The following TRO variants were observed in gnomAD, a reference collection of about 807,000 sequenced individuals.
TRO encodes MAGE superfamily protein.
In TRO, 29 loss-of-function variants were observed where a neutral mutation model predicts 42.3. The ratio of observed to expected loss-of-function variants is 0.68; its 90% CI spans 0.51 to 0.93. The LOEUF (loss-of-function observed/expected upper bound fraction) is 0.93. Ranked by LOEUF, TRO falls within the 40% of genes least tolerant of loss-of-function variation. The pLI, the probability that TRO is intolerant of heterozygous loss-of-function variation, is 0.00. For missense variants in TRO, 963 were observed against 1,127.7 expected (o/e 0.85, Z 2.09); for synonymous variants, 384 against 425.2 (o/e 0.90, Z 1.19).
chrX:54,921,010 A>AACCTGCTGGAG (rs1931967844), intron 1 of TRO, 132 bp downstream of exon 1: 1 of 111,298 alleles, frequency 9.0e-6, no homozygotes, highest in Non-Finnish European at 1.9e-5. Flanking sequence ...ACCGCATCAA[A>AACCTGCTGGAG]GTCGCCTTTA....
chrX:54,929,136 T>A lies in TRO; in HGVS notation c.2412T>A (p.Ser804Arg), dbSNP rs1268090931. The A allele has an allele frequency of 8.3e-7, 1 of 1,211,822 alleles. No homozygotes were observed. Among genetic ancestry groups the A allele is most frequent in the African/African-American group, 1.7e-5 (1 of 57,822 alleles). Reference sequence around the variant, plus strand: ...GTTGTGCACACAGCACCAGCACTAGTTTCAGCAGTGAAGCCAGCATTAGCT... The same window carrying A: ...GTTGTGCACACAGCACCAGCACTAGATTCAGCAGTGAAGCCAGCATTAGCT... ...SFGCAHSTST[S>R]FSSEASISFG... Residue 804 changes from serine to arginine, a missense_variant, in exon 12 of 13, where the codon AGT (serine) becomes AGA (arginine). Coordinates refer to ENST00000173898, the MANE Select transcript of TRO (RefSeq NM_001039705.3).
chrX:54,931,337 G>A lies in TRO; in HGVS notation c.*145G>A. On this transcript the variant is annotated 3_prime_UTR_variant, in exon 13 of 13. Coordinates refer to ENST00000173898, the MANE Select transcript of TRO (RefSeq NM_001039705.3). ...GGCCAATCAGCTGAGGGTGTCATGT[G>A]ATGGAAAAATCTGTTTGCTGTTCCT... The A allele has an allele frequency of 8.3e-7, 1 of 1,208,480 alleles. No homozygotes were observed. The highest frequency in any genetic ancestry group is 1.1e-6 in the Non-Finnish European group (1 of 892,994).
At position 54,923,269 on chromosome X, in the gene TRO, A is replaced by G. The variant is rs201610298; in HGVS notation, c.737A>G (p.His246Arg). The change falls in exon 3 of 13, where the codon CAC becomes CGC. Residue 246 changes from histidine to arginine, a missense_variant. Physicochemically the swap from His to Arg is conservative, Grantham distance 29. Coordinates refer to ENST00000173898, the MANE Select transcript of TRO (RefSeq NM_001039705.3). ...GQITNETASI[H>R]TTAASIRTKK... ...ATTACCAATGAGACAGCCAGTATCCACACCACAGCAGCCTCCATCCGAACC... is the reference window on the plus strand; with the variant it reads ...ATTACCAATGAGACAGCCAGTATCCGCACCACAGCAGCCTCCATCCGAACC... 393 of 1,210,059 alleles carry G rather than the reference A, an allele frequency of 3.2e-4. No individual in the cohort carries two copies. The African/African-American group carries it at 5.5e-3, about 17-fold the overall frequency.
intron 10 of TRO, chrX:54,927,369 T>A: frequency 2.0e-6 from 1 of 500,341 alleles, no homozygotes; most frequent in South Asian, 2.9e-5. Flanking sequence ...CCAACAGGAA[T>A]CTGGGCTTAC....
chrX:54,925,048 G>A lies in TRO; in HGVS notation c.1465G>A (p.Ala489Thr). Residue 489 changes from alanine to threonine, a missense_variant, in exon 6 of 13, where the codon GCA becomes ACA. This residue lies in a region of TRO where 641 missense variants were observed against 811.3 expected (regional missense o/e 0.79). Coordinates refer to ENST00000173898, the MANE Select transcript of TRO (RefSeq NM_001039705.3). ...ATATTTCCCAGAAATCATTGAACGA[G>A]CAAGCTACACTCTGGAGAAGGTGAA... ...DEYFPEIIERASYTLEKMFRV... is the reference protein window; with the variant it reads ...DEYFPEIIERTSYTLEKMFRV... 8.3e-7 allele frequency: 1 copy of A among 1,211,587 alleles called. No homozygotes were observed. Among genetic ancestry groups the A allele is most frequent in the Non-Finnish European group, 1.1e-6 (1 of 895,247 alleles).
rs1178151366 is a variant in TRO, at chrX:54,925,682, A to G, written c.1576A>G (p.Thr526Ala). 1 of 1,203,477 alleles carries G rather than the reference A, an allele frequency of 8.3e-7. No individual in the cohort carries two copies. The highest frequency in any genetic ancestry group is 1.1e-6 in the Non-Finnish European group (1 of 888,525). Reference protein sequence around the residue: ...TQESSAGILGTTKDTPKLGLL... With the variant: ...TQESSAGILGATKDTPKLGLL... ...GGAATCCTCTGCAGGCATACTGGGAACGTAAGCTGGGAAAGGGCTGGAGTG... is the reference window on the plus strand; with the variant it reads ...GGAATCCTCTGCAGGCATACTGGGAGCGTAAGCTGGGAAAGGGCTGGAGTG... The change falls in exon 7 of 13, where the codon ACG (threonine) becomes GCG (alanine). Residue 526 changes from threonine to alanine, a missense_variant and splice_region_variant. Coordinates refer to ENST00000173898, the MANE Select transcript of TRO (RefSeq NM_001039705.3).
chrX:54,927,149 G>A (rs774348746), intron 10 of TRO, 44 bp downstream of exon 10: 3 of 1,186,105 alleles, frequency 2.5e-6, no homozygotes, highest in African/African-American at 1.7e-5. Flanking sequence ...AGTGTTCTGG[G>A]TATACTGATC....
chrX:54,926,321 T>G, intron 7 of TRO, 89 bp from the exon 8 acceptor site: 2 of 895,534 alleles, frequency 2.2e-6, no homozygotes. Context: ...AGCTGGCTGG[T>G]GTATCTTTTG....
chrX:54,923,622 G>T lies in TRO; in HGVS notation c.1090G>T (p.Ala364Ser), dbSNP rs981809763. Residue 364 changes from alanine to serine, a missense_variant, in exon 3 of 13, where the codon GCC becomes TCC. Ala to Ser is a moderately conservative substitution (Grantham distance 99). Around this residue, in one of 2 missense-constraint regions of TRO, gnomAD observed 322 missense variants for 316.5 expected, o/e 1.02. Transcript: ENST00000173898. ...ESQTPNADQG[A>S]QAKIASAQTN... ...CCAGACTCCAAATGCTGACCAAGGG[G>T]CCCAGGCCAAGATAGCCTCTGCTCA... 1.7e-6 allele frequency: 2 copies of T among 1,207,834 alleles called. No homozygotes were observed. The highest frequency in any genetic ancestry group is 2.2e-6 in the Non-Finnish European group (2 of 893,260).
At position 54,930,403 on chromosome X, in the gene TRO, G is replaced by T. The variant is rs1933036047; in HGVS notation, c.3679G>T (p.Ala1227Ser). The T allele has an allele frequency of 8.2e-7, 1 of 1,212,351 alleles. No homozygotes were observed. The change falls in exon 12 of 13, where the codon GCT becomes TCT. Residue 1227 changes from alanine (A) to serine (S), a missense_variant. By Grantham distance (99) the Ala-to-Ser change is moderately conservative. Coordinates refer to ENST00000173898, the MANE Select transcript of TRO (RefSeq NM_001039705.3). ...AGFGGGLGTS[A>S]GFSGGLSTSS... Reference sequence around the variant, plus strand: ...CTTTGGTGGTGGCCTAGGCACCAGTGCTGGCTTCAGTGGTGGCCTAAGCAC... The same window carrying T: ...CTTTGGTGGTGGCCTAGGCACCAGTTCTGGCTTCAGTGGTGGCCTAAGCAC...
chrX:54,928,698 A>G lies in TRO; in HGVS notation c.1974A>G (p.Glu658=), dbSNP rs756420630. Residue 658 remains glutamate (E), a synonymous_variant, in exon 12 of 13, where the codon GAA becomes GAG. Coordinates refer to ENST00000173898, the MANE Select transcript of TRO (RefSeq NM_001039705.3). ...CAGCTGTGGCTGTGGCTGAGGCTGA[A>G]GCCAGGGCTGAGGCAAGAGCCCAAA... ...QAAAVAVAEA[E]ARAEARAQMG... is the part of the protein sequence containing the mutation. 1.1e-5 allele frequency: 13 copies of G among 1,207,871 alleles called. No homozygotes were observed. Among genetic ancestry groups the G allele is most frequent in the Admixed American group, 2.2e-5 (1 of 45,583 alleles).
rs763709166 is a variant in TRO, at chrX:54,927,647, T to C, written c.1764-20T>C. On this transcript the variant is annotated intron_variant, in intron 10 of 12. Coordinates refer to ENST00000173898, the MANE Select transcript of TRO (RefSeq NM_001039705.3). ...GCAGGGTTGCTTGGTTAGAAACAAG[T>C]TTCATTTCCTTTTTCCAAGGTACCT... 8.5e-7 allele frequency: 1 copy of C among 1,177,470 alleles called. No individual in the cohort carries two copies. Among genetic ancestry groups the C allele is most frequent in the Admixed American group, 2.2e-5 (1 of 44,687 alleles).
chrX:54,929,324 C>T lies in TRO; in HGVS notation c.2600C>T (p.Thr867Ile). The T allele has an allele frequency of 8.2e-7, 1 of 1,212,175 alleles. No homozygotes were observed. Among genetic ancestry groups the T allele is most frequent in the African/African-American group, 1.7e-5 (1 of 57,903 alleles). ...AGFSGVLSTS[T>I]SFGSAPTTST... Reference sequence around the variant, plus strand: ...TTTAGTGGTGTACTCAGCACTAGCACCAGCTTTGGCAGTGCACCCACAACG... The same window carrying T: ...TTTAGTGGTGTACTCAGCACTAGCATCAGCTTTGGCAGTGCACCCACAACG... Residue 867 changes from threonine to isoleucine, a missense_variant, in exon 12 of 13, where the codon ACC becomes ATC. Thr to Ile is a moderately conservative substitution (Grantham distance 89, BLOSUM62 -1). This residue lies in a region of TRO where 641 missense variants were observed against 811.3 expected (regional missense o/e 0.79). Coordinates refer to ENST00000173898, the MANE Select transcript of TRO (RefSeq NM_001039705.3).
chrX:54,924,920 A>T (rs1932563986), intron 5 of TRO, 69 bp from the exon 6 acceptor site: 6 of 1,094,788 alleles, frequency 5.5e-6, no homozygotes, highest in Non-Finnish European at 7.5e-6. Flanking sequence ...ACCCAACAGG[A>T]CTGGCAAAAG....
chrX:54,921,912 A>C (rs1222838881), intron 1 of TRO: 4 of 201,118 alleles, frequency 2.0e-5, no homozygotes, highest in Admixed American at 1.6e-4. Context: ...GCATTGAAGA[A>C]TGGTTCTTTT....
At chrX:54,926,915 T>G in intron 9 of TRO, 128 bp from the exon 10 acceptor site, 1 of 790,312 alleles carries the variant, frequency 1.3e-6, no homozygotes, top group Non-Finnish European at 1.8e-6. Flanking sequence ...GGCCATGTGC[T>G]CATTACTTTC....
chrX:54,930,596 G>A lies in TRO; in HGVS notation c.3872G>A (p.Gly1291Asp). 2.5e-6 allele frequency: 3 copies of A among 1,211,159 alleles called. No individual in the cohort carries two copies. The highest frequency in any genetic ancestry group is 4.6e-4 in the Middle Eastern group (2 of 4,348). Residue 1291 changes from glycine (G) to aspartate (D), a missense_variant, in exon 12 of 13, where the codon GGT becomes GAT. Gly to Asp is a moderately conservative substitution (Grantham distance 94). Around this residue, in one of 2 missense-constraint regions of TRO, gnomAD observed 641 missense variants for 811.3 expected, o/e 0.79. Transcript: ENST00000173898. ...GGLVTSDGFG[G>D]GLGTNASFGS... ...CTGGTCACTAGTGATGGCTTTGGTG[G>A]TGGACTGGGCACCAATGCTAGTTTC...
rs772763253 is a variant in TRO, at chrX:54,925,578, CTT to C, written c.1486-11_1486-10del. ...GAATTTTGTGATCTCACAGGCTATT[CTT>C]TTACTTGGCAGATGTTTCGAGTCAA... On this transcript the variant is annotated splice_polypyrimidine_tract_variant and intron_variant, in intron 6 of 12. Transcript: ENST00000173898. 13 of 1,202,897 alleles carry C rather than the reference CTT, an allele frequency of 1.1e-5. No individual in the cohort carries two copies. The highest frequency in any genetic ancestry group is 1.5e-5 in the Non-Finnish European group (13 of 889,105).
Position 54,930,654 on chromosome X carries a change from T to A in TRO, c.3930T>A (p.Ser1310Arg). 8.3e-7 allele frequency: 1 copy of A among 1,210,364 alleles called. No individual in the cohort carries two copies. Among genetic ancestry groups the A allele is most frequent in the Non-Finnish European group, 1.1e-6 (1 of 894,703 alleles). ...GSTLGTSAGF[S>R]GGLSTSDGFG... ...CACTTGGCACCAGTGCTGGCTTTAG[T>A]GGTGGCCTCAGCACCAGCGATGGCT... Residue 1310 changes from serine to arginine, a missense_variant, in exon 12 of 13, where the codon AGT becomes AGA. Physicochemically the swap from Ser to Arg is moderately radical, Grantham distance 110. Around this residue, in one of 2 missense-constraint regions of TRO, gnomAD observed 641 missense variants for 811.3 expected, o/e 0.79. Coordinates refer to ENST00000173898, the MANE Select transcript of TRO (RefSeq NM_001039705.3).
Sources: allele counts gnomAD v4.1 joint callset, GRCh38; gene constraint gnomAD v4.1.1; regional missense constraint gnomAD v4.1.1; transcripts MANE v1.5; gene names NCBI Gene and HGNC (gene_info 2026-07-23, HGNC 2026-07-21).